CERS6: variants seen among roughly 807,000 people sequenced by gnomAD.
CERS6 encodes the protein LAG1 homolog, ceramide synthase 6.
A neutral mutation model predicts 56.8 loss-of-function variants in CERS6; 26 were observed. The observed-to-expected ratio is 0.46, with a 90% CI of 0.34 to 0.63. The LOEUF is 0.63. CERS6 is among the 30% of genes least tolerant of loss of function. The pLI is 0.01. For missense variants in CERS6, 415 were observed against 467.5 expected, an observed-to-expected ratio of 0.89 and a Z score of 1.04; for synonymous variants, 164 against 173.3, an observed-to-expected ratio of 0.95 and a Z score of 0.42.
intron 5 of CERS6, 127 bp downstream of exon 5, chr2:168,691,211 C>T (rs1471486287): frequency 2.6e-6 from 2 of 760,882 alleles, no homozygotes; most frequent in Non-Finnish European, 4.6e-6. Flanking sequence ...TCCCGCTGAT[C>T]AGTGCTGGAC....
chr2:168,533,685 T>C (rs1017369527), intron 1 of CERS6, among the ~76,000 whole-genome samples: 3 of 152,204 alleles, frequency 2.0e-5, no homozygotes, highest in Non-Finnish European at 2.9e-5. Context: ...CTGACAATTA[T>C]GTGTCTCAGG....
chr2:168,552,349 TACACACACACAC>T (rs56340726), intron 2 of CERS6, among the ~76,000 whole-genome samples: 39 of 140,100 alleles, frequency 2.8e-4, no homozygotes, highest in African/African-American at 4.8e-4. Flanking sequence ...ATACAGAGTA[TACACACACACAC>T]ACACACACAC....
chr2:168,722,337 T>C (rs575751905), intron 8 of CERS6, among the ~76,000 whole-genome samples: 3 of 152,360 alleles, frequency 2.0e-5, no homozygotes, highest in African/African-American at 7.2e-5. Context: ...GTTTTTGATG[T>C]CGTAAGAAAC....
Position 168,631,545 on chromosome 2 carries a change from T to TTTTA in CERS6, c.465+503_465+504insTTTA, listed in dbSNP as rs1559028149. Among the ~76,000 whole-genome samples the TTTTA allele has an allele frequency of 5.7e-4, 42 of 73,262 alleles. 4 individuals carry two copies. The highest frequency in any genetic ancestry group is 2.3e-3 in the African/African-American group (39 of 16,868). 48.1% of individuals were successfully genotyped at this position (73,262 alleles called of 152,430 possible). A position where few individuals can be genotyped will look rare whatever the true frequency, so the allele number is the denominator to read the frequency against. ...TTATATAAATACATATTAAATATAT[T>TTTTA]ATATTTTTAATATTTATATATTAAA... On this transcript the variant is annotated intron_variant, in intron 4 of 9. Transcript: ENST00000305747.
intron 1 of CERS6, among the ~76,000 whole-genome samples, chr2:168,495,724 G>C (rs917385662): frequency 7.2e-5 from 11 of 152,158 alleles, no homozygotes; most frequent in African/African-American, 2.7e-4. Flanking sequence ...ACTCATGTGT[G>C]CATGCTCCTT....
intron 8 of CERS6, among the ~76,000 whole-genome samples, chr2:168,733,513 C>G (rs1040370122): frequency 6.6e-6 from 1 of 152,168 alleles, no homozygotes. Context: ...CATCTGAAAA[C>G]TTCTTGGCAG....
intron 2 of CERS6, among the ~76,000 whole-genome samples, chr2:168,557,621 C>G (rs1167480236): frequency 6.6e-6 from 1 of 151,956 alleles, no homozygotes; most frequent in Non-Finnish European, 1.5e-5. Flanking sequence ...CTACTCAATA[C>G]CAATATGTAT....
intron 1 of CERS6, among the ~76,000 whole-genome samples, chr2:168,502,617 G>A (rs1271299917): frequency 6.6e-6 from 1 of 152,214 alleles, no homozygotes; most frequent in Non-Finnish European, 1.5e-5. Context: ...CTAATAGACT[G>A]TCCAGAGGAA....
At chr2:168,533,985 T>C (rs563945513) in intron 1 of CERS6, among the ~76,000 whole-genome samples, 2 of 152,182 alleles carry the variant, frequency 1.3e-5, no homozygotes, top group South Asian at 2.1e-4. Flanking sequence ...AACTCTGATA[T>C]GCTTTCTTCC....
intron 1 of CERS6, among the ~76,000 whole-genome samples, chr2:168,479,461 C>A (rs1439849702): frequency 6.6e-6 from 1 of 152,064 alleles, no homozygotes; most frequent in East Asian, 1.9e-4. Context: ...CTAGGAGAAT[C>A]CATTTCTTTC....
At chr2:168,549,150 T>C (rs1256401093) in intron 2 of CERS6, among the ~76,000 whole-genome samples, 4 of 152,182 alleles carry the variant, frequency 2.6e-5, no homozygotes, top group African/African-American at 9.7e-5. Context: ...ACATACAGTA[T>C]TCTAAATGAA....
intron 4 of CERS6, among the ~76,000 whole-genome samples, chr2:168,642,258 A>G (rs1013009868): frequency 2.5e-4 from 38 of 152,128 alleles, no homozygotes; most frequent in Non-Finnish European, 4.6e-4. Context: ...GGGCAGGTCT[A>G]TTGAGCCCAG....
At chr2:168,594,715 G>C (rs930178384) in intron 3 of CERS6, among the ~76,000 whole-genome samples, 3 of 152,174 alleles carry the variant, frequency 2.0e-5, no homozygotes, top group African/African-American at 7.2e-5. Context: ...CTCAGGTCAT[G>C]TTATTACCAT....
At chr2:168,648,617 G>A (rs1685261860) in intron 4 of CERS6, among the ~76,000 whole-genome samples, 1 of 152,090 alleles carries the variant, frequency 6.6e-6, no homozygotes, top group South Asian at 2.1e-4. Flanking sequence ...ATGATGTTAG[G>A]TTGTTAATTT....
At chr2:168,571,295 G>A (rs999751451) in intron 3 of CERS6, among the ~76,000 whole-genome samples, 4 of 151,838 alleles carry the variant, frequency 2.6e-5, no homozygotes, top group Non-Finnish European at 5.9e-5. Flanking sequence ...TTCGCCTTGC[G>A]GTTATTAGCT....
At chr2:168,647,648 T>C (rs1324698810) in intron 4 of CERS6, among the ~76,000 whole-genome samples, 1 of 152,204 alleles carries the variant, frequency 6.6e-6, no homozygotes, top group African/African-American at 2.4e-5. Flanking sequence ...GGCTGTGGGT[T>C]TGTCATAGAT....
At chr2:168,498,927 C>T (rs1449807844) in intron 1 of CERS6, among the ~76,000 whole-genome samples, 3 of 152,132 alleles carry the variant, frequency 2.0e-5, no homozygotes, top group Non-Finnish European at 4.4e-5. Context: ...CCCCACATCT[C>T]GTTATGACCG....
intron 1 of CERS6, among the ~76,000 whole-genome samples, chr2:168,463,459 A>G (rs1296286979): frequency 6.6e-6 from 1 of 152,184 alleles, no homozygotes; most frequent in Non-Finnish European, 1.5e-5. Flanking sequence ...TTAATTCTTG[A>G]TGATTTCCTA....
rs1273454186 is a variant in CERS6 at position 168,691,025 on chromosome 2, T to A, written c.466-9T>A. On this transcript the variant is annotated splice_polypyrimidine_tract_variant and intron_variant, in intron 4 of 9. Transcript: ENST00000305747. ...AAATATGTAAAATATTTTTTGTCATTTTTTTCAGACCCCCTGGTTGTGGAA... is the reference window on the plus strand; with the variant it reads ...AAATATGTAAAATATTTTTTGTCATATTTTTCAGACCCCCTGGTTGTGGAA... The A allele has an allele frequency of 1.2e-6, 2 of 1,612,584 alleles. No individual in the cohort carries two copies. The highest frequency in any genetic ancestry group is 3.3e-5 in the Admixed American group (2 of 59,966).
Sources: gnomAD v4.1 joint callset for allele counts (sites outside exome capture counted in the v4.1 genomes callset) on GRCh38, gnomAD v4.1.1 for gene constraint, MANE v1.5 for transcripts, NCBI Gene and HGNC (gene_info 2026-07-23, HGNC 2026-07-21) for gene names.